ATRNL1: variants seen among roughly 807,000 people sequenced by gnomAD.
ATRNL1 encodes the protein attractin like 1.
Under a neutral mutation model 182.7 loss-of-function variants are expected in ATRNL1, and 95 were observed. The ratio of observed to expected loss-of-function variants is 0.52; its 90% CI spans 0.44 to 0.62. The LOEUF is 0.62. ATRNL1 is among the 20% of genes least tolerant of loss of function. ATRNL1 has a pLI of 0.00. For missense variants in ATRNL1, 1,471 were observed against 1,679.5 expected, an observed-to-expected ratio of 0.88 and a Z score of 2.17; for synonymous variants, 576 against 568.3, an observed-to-expected ratio of 1.01 and a Z score of -0.19.
At chr10:115,830,316 T>G (rs1950531717) in intron 27 of ATRNL1, among the ~76,000 whole-genome samples, 1 of 152,200 alleles carries the variant, frequency 6.6e-6, no homozygotes, top group Non-Finnish European at 1.5e-5. Context: ...ACCTTTGAGG[T>G]AAGATTTGAT....
chr10:115,449,512 A>T (rs530967427), intron 21 of ATRNL1, among the ~76,000 whole-genome samples: 1 of 152,332 alleles, frequency 6.6e-6, no homozygotes, highest in South Asian at 2.1e-4. Flanking sequence ...GGGTATGGAC[A>T]CTTGAGCTAT....
At chr10:115,214,182 T>C (rs947206664) in intron 8 of ATRNL1, among the ~76,000 whole-genome samples, 2 of 152,038 alleles carry the variant, frequency 1.3e-5, no homozygotes, top group African/African-American at 4.8e-5. Flanking sequence ...AATGTACCTC[T>C]AGGTAGTGGG....
At chr10:115,936,440 C>T (rs1953561496) in intron 28 of ATRNL1, among the ~76,000 whole-genome samples, 1 of 152,154 alleles carries the variant, frequency 6.6e-6, no homozygotes, top group Admixed American at 6.5e-5. Flanking sequence ...GCTCAAGAAA[C>T]ACTTGTTGAG....
chr10:115,587,367 G>A (rs1198535138), intron 26 of ATRNL1, among the ~76,000 whole-genome samples: 11 of 151,756 alleles, frequency 7.2e-5, no homozygotes, highest in African/African-American at 9.7e-5. Flanking sequence ...CCTCGCTGCC[G>A]CCTTGCAGTT....
intron 13 of ATRNL1, among the ~76,000 whole-genome samples, chr10:115,271,864 G>A (rs1851882154): frequency 6.6e-6 from 1 of 152,132 alleles, no homozygotes; most frequent in Admixed American, 6.6e-5. Flanking sequence ...AATTTCTGTT[G>A]AAATATAATC....
intron 26 of ATRNL1, among the ~76,000 whole-genome samples, chr10:115,627,793 T>C (rs2133821354): frequency 6.6e-6 from 1 of 152,326 alleles, no homozygotes; most frequent in African/African-American, 2.4e-5. Context: ...ATAACCTGTT[T>C]TTACTTCTTT....
intron 9 of ATRNL1, among the ~76,000 whole-genome samples, chr10:115,236,874 C>T (rs549347688): frequency 2.0e-5 from 3 of 152,190 alleles, no homozygotes; most frequent in Admixed American, 6.5e-5. Context: ...TTTTAATTTT[C>T]CTAAAAATAA....
intron 17 of ATRNL1, among the ~76,000 whole-genome samples, chr10:115,314,552 C>G (rs1854198026): frequency 6.6e-6 from 1 of 152,070 alleles, no homozygotes; most frequent in Non-Finnish European, 1.5e-5. Flanking sequence ...GTATGTCTGT[C>G]AGTATCTTCT....
intron 26 of ATRNL1, among the ~76,000 whole-genome samples, chr10:115,662,381 A>G (rs1555038224): frequency 6.6e-6 from 1 of 152,092 alleles, no homozygotes; most frequent in East Asian, 1.9e-4. Flanking sequence ...AACTAGTTCA[A>G]CCATTGTGGA....
At chr10:115,509,556 C>T (rs1850282461) in intron 24 of ATRNL1, among the ~76,000 whole-genome samples, 1 of 151,988 alleles carries the variant, frequency 6.6e-6, no homozygotes, top group African/African-American at 2.4e-5. Flanking sequence ...GCTCCTGTGC[C>T]TGCTCCGCCT....
At chr10:115,256,555 C>G (rs1321789311) in intron 10 of ATRNL1, among the ~76,000 whole-genome samples, 1 of 152,012 alleles carries the variant, frequency 6.6e-6, no homozygotes, top group African/African-American at 2.4e-5. Flanking sequence ...TGCTAGCGGT[C>G]TATCAATTTT....
intron 15 of ATRNL1, among the ~76,000 whole-genome samples, chr10:115,295,465 A>G (rs1422855770): frequency 3.3e-5 from 5 of 152,158 alleles, no homozygotes; most frequent in Non-Finnish European, 1.5e-5. Flanking sequence ...GCCTGGAGGC[A>G]TGCCCAACAG....
chr10:115,523,528 G>A (rs1554985795), intron 25 of ATRNL1, among the ~76,000 whole-genome samples: 1 of 152,112 alleles, frequency 6.6e-6, no homozygotes, highest in African/African-American at 2.4e-5. Context: ...CCAACTCTAG[G>A]TTATTTATTT....
chr10:115,270,254 A>G (rs1421779506), intron 13 of ATRNL1, among the ~76,000 whole-genome samples: 2 of 145,678 alleles, frequency 1.4e-5, no homozygotes, highest in Non-Finnish European at 3.0e-5. Context: ...AATAATATAT[A>G]TTTGTTTATA....
intron 17 of ATRNL1, among the ~76,000 whole-genome samples, chr10:115,310,877 T>C (rs1592424126): frequency 6.6e-6 from 1 of 152,208 alleles, no homozygotes; most frequent in South Asian, 2.1e-4. Context: ...TTTGTTCTTG[T>C]TTCTCTAGTT....
chr10:115,614,527 G>A (rs1222823130), intron 26 of ATRNL1, among the ~76,000 whole-genome samples: 1 of 152,104 alleles, frequency 6.6e-6, no homozygotes, highest in African/African-American at 2.4e-5. Flanking sequence ...TTCTGTATAT[G>A]TCTGTTAGGT....
rs1949694526 is a variant in ATRNL1, at chr10:115,797,929, T to C, written c.3904-49948T>C. Among the ~76,000 whole-genome samples, 3 of 152,134 alleles carry C rather than the reference T, an allele frequency of 2.0e-5. No individual in the cohort carries two copies. In the South Asian group the frequency reaches 6.2e-4, roughly 31 times the overall value. Reference sequence around the variant, plus strand: ...ATTTTCTCAGAGACCTTTTTTTTTCTTTTTTTGAGACGGAGTCTCGCTCTG... The same window carrying C: ...ATTTTCTCAGAGACCTTTTTTTTTCCTTTTTTGAGACGGAGTCTCGCTCTG... On this transcript the variant is annotated intron_variant, in intron 27 of 28. Coordinates refer to ENST00000355044, the MANE Select transcript of ATRNL1 (RefSeq NM_207303.4).
chr10:115,504,017 T>C (rs897195276), intron 24 of ATRNL1, among the ~76,000 whole-genome samples: 1 of 151,988 alleles, frequency 6.6e-6, no homozygotes. Flanking sequence ...ACACTTTTTT[T>C]CAAGAAAGAA....
Position 115,524,426 on chromosome 10 carries a change from T to C in ATRNL1, c.3716+5102T>C, listed in dbSNP as rs76569190. Among the ~76,000 whole-genome samples the C allele has an allele frequency of 8.4e-3, 1,285 of 152,336 alleles. 16 individuals are homozygous for C. Among genetic ancestry groups the C allele is most frequent in the African/African-American group, 0.029 (1,224 of 41,578 alleles). On this transcript the variant is annotated intron_variant, in intron 25 of 28. Transcript: ENST00000355044. ...TTTTTAAATAAACTCTTCTTGTGTG[T>C]AAAATGGAAAAGTAGATGTATCTGA...
Sources: allele counts gnomAD v4.1 joint callset (sites outside exome capture counted in the v4.1 genomes callset), GRCh38; gene constraint gnomAD v4.1.1; transcripts MANE v1.5; gene names NCBI Gene and HGNC (gene_info 2026-07-23, HGNC 2026-07-21).